The following RBFOX1 variants were observed in gnomAD, a reference collection of about 807,000 sequenced individuals.
RBFOX1 encodes the protein RNA binding protein fox-1 homolog 1.
Under a neutral mutation model 57.7 loss-of-function variants are expected in RBFOX1, and 8 were observed. That is an observed-to-expected ratio of 0.14 (90% CI 0.08 to 0.25). RBFOX1 has a LOEUF of 0.25. Among genes scored for constraint, RBFOX1 ranks in the 10% least tolerant of loss-of-function variants. The pLI, the probability that RBFOX1 is intolerant of heterozygous loss-of-function variation, is 1.00. For missense variants in RBFOX1, 611 were observed against 548.5 expected, an observed-to-expected ratio of 1.11 and a Z score of -1.14; for synonymous variants, 326 against 222.4, an observed-to-expected ratio of 1.47 and a Z score of -4.15.
chr16:6,750,676 A>G (rs1398706061), intron 3 of RBFOX1, among the ~76,000 whole-genome samples: 1 of 152,208 alleles, frequency 6.6e-6, no homozygotes, highest in African/African-American at 2.4e-5. Context: ...GTGTTCATTG[A>G]TTCATTCATT....
At chr16:5,949,782 T>C (rs182966541) in intron 4 of RBFOX1, among the ~76,000 whole-genome samples, 6 of 152,298 alleles carry the variant, frequency 3.9e-5, no homozygotes, top group Middle Eastern at 3.4e-3. Flanking sequence ...CGAATATTCT[T>C]TGGCCTCATC....
chr16:5,635,617 T>G (rs2151315576), intron 3 of RBFOX1, among the ~76,000 whole-genome samples: 1 of 151,324 alleles, frequency 6.6e-6, no homozygotes, highest in East Asian at 1.9e-4. Flanking sequence ...ATTATGCAGG[T>G]GGCTTAGTCA....
intron 1 of RBFOX1, among the ~76,000 whole-genome samples, chr16:5,305,007 G>T (rs1015435151): frequency 6.6e-6 from 1 of 152,012 alleles, no homozygotes; most frequent in African/African-American, 2.4e-5. Flanking sequence ...ATTGCCTTGG[G>T]GGAGTCTTGC....
intron 4 of RBFOX1, among the ~76,000 whole-genome samples, chr16:7,331,143 T>C (rs1362135787): frequency 6.6e-6 from 1 of 152,194 alleles, no homozygotes. Context: ...AATGCAATTA[T>C]GCAGCTAAAT....
rs2063462729 is a variant in RBFOX1 at position 5,288,806 on chromosome 16, C to T, written c.219+48701C>T. Among the ~76,000 whole-genome samples the T allele has an allele frequency of 2.0e-5, 3 of 152,054 alleles. No homozygotes were observed. The South Asian group carries it at 6.2e-4, about 32-fold the overall frequency. The stretch of plus-strand genomic sequence containing the variant: ...AAACCCAGCATCACAGCGGCATGAT[C>T]TCCTGGTGAAGGGAGCAGGTAACCA... On this transcript the variant is annotated intron_variant, in intron 1 of 2. Coordinates refer to the RBFOX1 transcript ENST00000585867.
intron 4 of RBFOX1, among the ~76,000 whole-genome samples, chr16:7,306,662 G>T (rs1490438733): frequency 6.6e-6 from 1 of 151,898 alleles, no homozygotes; most frequent in East Asian, 1.9e-4. Flanking sequence ...ATTTATTTTT[G>T]CCTGTTTCAT....
intron 3 of RBFOX1, among the ~76,000 whole-genome samples, chr16:5,694,662 T>A (rs1228380505): frequency 6.6e-6 from 1 of 152,062 alleles, no homozygotes; most frequent in Non-Finnish European, 1.5e-5. Context: ...CTCAGTCAAT[T>A]GTTTCAAATG....
At chr16:5,411,295 A>T (rs2067015087) in intron 1 of RBFOX1, among the ~76,000 whole-genome samples, 1 of 152,222 alleles carries the variant, frequency 6.6e-6, no homozygotes, top group African/African-American at 2.4e-5. Flanking sequence ...TACCTGGGTG[A>T]GTGCAGTGAA....
At chr16:6,439,101 C>G (rs1432721601) in intron 2 of RBFOX1, among the ~76,000 whole-genome samples, 2 of 152,078 alleles carry the variant, frequency 1.3e-5, no homozygotes, top group African/African-American at 4.8e-5. Context: ...GTTGTGAAAA[C>G]CTATGCACTC....
intron 2 of RBFOX1, among the ~76,000 whole-genome samples, chr16:5,587,605 C>G (rs1161760381): frequency 6.6e-6 from 1 of 152,116 alleles, no homozygotes; most frequent in Non-Finnish European, 1.5e-5. Context: ...CCCAGCTAAT[C>G]TGGAGGCTGA....
At chr16:5,839,961 T>C (rs965672515) in intron 3 of RBFOX1, among the ~76,000 whole-genome samples, 3 of 152,176 alleles carry the variant, frequency 2.0e-5, no homozygotes, top group Non-Finnish European at 4.4e-5. Context: ...GTTGGAATGA[T>C]TACTGGACAA....
chr16:6,039,758 C>G (rs1447032411), intron 1 of RBFOX1, among the ~76,000 whole-genome samples: 2 of 152,188 alleles, frequency 1.3e-5, no homozygotes, highest in African/African-American at 4.8e-5. Flanking sequence ...AGCTGCATAA[C>G]AAATTAATGC....
chr16:6,574,104 G>A lies in RBFOX1; in HGVS notation c.-63-80499G>A, dbSNP rs565226086. The stretch of plus-strand genomic sequence containing the variant: ...AACTCTTCATTCAAGCGATGAGAGG[G>A]AAACACTTGAGCTGCACACTCAAGG... On this transcript the variant is annotated intron_variant, in intron 2 of 15. Transcript: ENST00000550418. 4.6e-5 allele frequency among the ~76,000 whole-genome samples: 7 copies of A among 152,174 alleles called. No individual in the cohort carries two copies. In the East Asian group the frequency reaches 1.2e-3, roughly 25 times the overall value.
chr16:7,698,317 G>A (rs6501010), intron 14 of RBFOX1, among the ~76,000 whole-genome samples: 148,708 of 151,968 alleles, frequency 0.98, 72,847 homozygotes, highest in East Asian at 1. Context: ...CTGGGGACAT[G>A]TTTTCATCTC....
chr16:6,522,357 A>G (rs902592257), intron 2 of RBFOX1, among the ~76,000 whole-genome samples: 2 of 152,180 alleles, frequency 1.3e-5, no homozygotes, highest in African/African-American at 4.8e-5. Context: ...ATGGCTTACC[A>G]CTTTCCCCTG....
intron 2 of RBFOX1, among the ~76,000 whole-genome samples, chr16:5,544,854 C>A (rs1045319951): frequency 1.3e-5 from 2 of 150,944 alleles, no homozygotes; most frequent in African/African-American, 4.9e-5. Flanking sequence ...AACTAGGTAA[C>A]CGTATTAACC....
Position 6,520,225 on chromosome 16 carries a change from A to G in RBFOX1, c.-63-134378A>G, listed in dbSNP as rs559850544. On this transcript the variant is annotated intron_variant, in intron 2 of 15. Coordinates refer to ENST00000550418, the MANE Select transcript of RBFOX1 (RefSeq NM_018723.4). ...TATGATGGTATGTGCTTTTTAAAGA[A>G]AGGATGTATTCAAAATTTAAAGCGA... 2.0e-5 allele frequency among the ~76,000 whole-genome samples: 3 copies of G among 152,312 alleles called. No homozygotes were observed. The South Asian group carries it at 6.2e-4, about 32-fold the overall frequency.
At chr16:6,735,814 G>A (rs1333576417) in intron 3 of RBFOX1, among the ~76,000 whole-genome samples, 3 of 152,184 alleles carry the variant, frequency 2.0e-5, no homozygotes, top group Admixed American at 6.5e-5. Flanking sequence ...ACACAGACAT[G>A]AGGAAATGAA....
At chr16:6,415,250 A>C (rs984411236) in intron 2 of RBFOX1, among the ~76,000 whole-genome samples, 10 of 124,716 alleles carry the variant, frequency 8.0e-5, no homozygotes, top group Admixed American at 2.4e-4. Flanking sequence ...CACAAAAAAA[A>C]AAAAAAAAAA....
Sources: allele counts gnomAD v4.1 joint callset (sites outside exome capture counted in the v4.1 genomes callset), GRCh38; gene constraint gnomAD v4.1.1; transcripts MANE v1.5; gene names NCBI Gene and HGNC (gene_info 2026-07-23, HGNC 2026-07-21).